XYLB: variants seen among roughly 807,000 people sequenced by gnomAD.
XYLB encodes the protein xylulokinase, also known as xylulose kinase.
XYLB carries 62 observed loss-of-function variants against 78.7 expected under a neutral mutation model. That is an observed-to-expected ratio of 0.79 (90% CI 0.64 to 0.97). XYLB has a LOEUF of 0.97. XYLB is among the 50% of genes least tolerant of loss of function. XYLB has a pLI of 0.00. For synonymous variants in XYLB, 245 were observed against 247.4 expected (o/e 0.99, Z 0.09); for missense variants, 687 against 676.8 (o/e 1.02, Z -0.17).
the XYLB span, among the ~76,000 whole-genome samples, chr3:38,448,137 CACA>C: frequency 6.6e-6 from 1 of 150,912 alleles, no homozygotes; most frequent in South Asian, 2.1e-4. Context: ...CTAAGCCAGG[CACA>C]ACAAGACAAA....
chr3:38,375,867 GCTC>G (rs1299156470), intron 12 of XYLB, among the ~76,000 whole-genome samples: 1 of 152,138 alleles, frequency 6.6e-6, no homozygotes, highest in Admixed American at 6.5e-5. Flanking sequence ...TCTACCTGGG[GCTC>G]CTCTGTGTCA....
chr3:38,372,585 G>A, intron 9 of XYLB, 70 bp from the exon 10 acceptor site: 1 of 1,611,138 alleles, frequency 6.2e-7, no homozygotes, highest in South Asian at 1.1e-5. Flanking sequence ...TGGCCTGAAG[G>A]GTGGGTGGCT....
chr3:38,377,732 G>T (rs1281500970), intron 14 of XYLB, among the ~76,000 whole-genome samples: 2 of 152,110 alleles, frequency 1.3e-5, no homozygotes, highest in Non-Finnish European at 2.9e-5. Flanking sequence ...GAGCCACCAT[G>T]CCCGGCTATC....
chr3:38,365,173 G>T, intron 4 of XYLB, 26 bp from the exon 5 acceptor site: 2 of 1,611,806 alleles, frequency 1.2e-6, no homozygotes, highest in South Asian at 1.1e-5. Context: ...GTGGTCATGT[G>T]ACCATGTGCT....
Position 38,413,657 on chromosome 3 carries a change from A to G in XYLB, c.*644A>G, listed in dbSNP as rs969344347. 2 of 147,654 alleles carry G rather than the reference A, an allele frequency of 1.4e-5. No homozygotes were observed. Among genetic ancestry groups the G allele is most frequent in the African/African-American group, 5.0e-5 (2 of 39,660 alleles). The allele number at this position is 147,654 out of a possible 1,614,324, so 9.1% of individuals were successfully genotyped here. A position where few individuals can be genotyped will look rare whatever the true frequency, so the allele number is the denominator to read the frequency against. On this transcript the variant is annotated 3_prime_UTR_variant, in exon 19 of 19. Coordinates refer to ENST00000207870, the MANE Select transcript of XYLB (RefSeq NM_005108.4). The stretch of plus-strand genomic sequence containing the variant: ...ACCATCTCTCCTCTCCCCCTCCTTC[A>G]TCTCTCCTCCCTCCCCAAACTCACT...
intron 18 of XYLB, 169 bp downstream of exon 18, chr3:38,401,154 C>A: frequency 1.6e-6 from 1 of 623,964 alleles, no homozygotes; most frequent in South Asian, 2.0e-5. Context: ...ATGTTGTCAG[C>A]TGCAAGTCAC....
At chr3:38,433,880 G>T in the XYLB span, among the ~76,000 whole-genome samples, 3 of 152,014 alleles carry the variant, frequency 2.0e-5, no homozygotes, top group African/African-American at 4.8e-5. Context: ...CCCCCTTCCT[G>T]GTACCAATTT....
At chr3:38,366,777 G>T in intron 6 of XYLB, 31 bp from the exon 7 acceptor site, 4 of 1,471,348 alleles carry the variant, frequency 2.7e-6, no homozygotes, top group South Asian at 1.1e-5. Context: ...TGTAGGATTT[G>T]GGTTCCTAAG....
intron 15 of XYLB, among the ~76,000 whole-genome samples, chr3:38,391,050 T>C (rs990728901): frequency 3.3e-5 from 5 of 151,958 alleles, no homozygotes; most frequent in African/African-American, 1.2e-4. Flanking sequence ...TGAAACCCCG[T>C]CTCTACTGAA....
intron 1 of XYLB, among the ~76,000 whole-genome samples, chr3:38,348,209 T>C (rs768878334): frequency 6.6e-6 from 1 of 152,220 alleles, no homozygotes; most frequent in African/African-American, 2.4e-5. Context: ...CCTTCCTCTC[T>C]GGCACTTTCT....
intron 15 of XYLB, among the ~76,000 whole-genome samples, chr3:38,392,969 C>G (rs1575518046): frequency 6.6e-6 from 1 of 152,262 alleles, no homozygotes; most frequent in East Asian, 1.9e-4. Context: ...GGACTTTGAT[C>G]CATCTGAAGT....
At chr3:38,417,932 C>T (rs1278860197), downstream of XYLB, among the ~76,000 whole-genome samples, 1 of 150,258 alleles carries the variant, frequency 6.7e-6, no homozygotes, top group African/African-American at 2.5e-5. Context: ...TGTCTCATGT[C>T]TGTAATCCTA....
chr3:38,377,519 C>T (rs1309695704), intron 14 of XYLB, among the ~76,000 whole-genome samples: 1 of 151,106 alleles, frequency 6.6e-6, no homozygotes, highest in Non-Finnish European at 1.5e-5. Context: ...ACGATCTCGG[C>T]TCACTGCAAC....
chr3:38,397,630 G>C (rs1707931170), intron 17 of XYLB, among the ~76,000 whole-genome samples: 1 of 152,036 alleles, frequency 6.6e-6, no homozygotes. Flanking sequence ...AAAACTCTGG[G>C]TATTAAGGGA....
At chr3:38,359,258 C>T (rs765319044) in intron 2 of XYLB, among the ~76,000 whole-genome samples, 15 of 152,232 alleles carry the variant, frequency 9.9e-5, no homozygotes, top group African/African-American at 1.4e-4. Flanking sequence ...AGGCACAGAT[C>T]GCTTATGCCA....
intron 3 of XYLB, among the ~76,000 whole-genome samples, chr3:38,362,333 G>A (rs1425862596): frequency 6.6e-6 from 1 of 152,148 alleles, no homozygotes; most frequent in African/African-American, 2.4e-5. Context: ...CAATCTCCTG[G>A]GCTCAGGTAT....
At position 38,374,493 on chromosome 3, in the gene XYLB, T is replaced by TGA; in HGVS notation, c.880_881dup (p.Asp294GlufsTer50). 6.2e-7 allele frequency: 1 copy of TGA among 1,613,264 alleles called. No homozygotes were observed. Among genetic ancestry groups the TGA allele is most frequent in the Non-Finnish European group, 8.5e-7 (1 of 1,179,550 alleles). On this transcript the variant is annotated frameshift_variant, in exon 11 of 19. Coordinates refer to ENST00000207870, the MANE Select transcript of XYLB (RefSeq NM_005108.4). LOFTEE classifies it high-confidence loss of function. ...TGGCAGGCATGAGACTGGAGGAAGGTGACATTGCGGTAAGGCGACTTCCCA... is the reference window on the plus strand; with the variant it reads ...TGGCAGGCATGAGACTGGAGGAAGGTGAGACATTGCGGTAAGGCGACTTCCCA...
the XYLB span, among the ~76,000 whole-genome samples, chr3:38,432,369 C>A: frequency 2.0e-5 from 2 of 98,206 alleles, no homozygotes; most frequent in Non-Finnish European, 4.5e-5. Context: ...GAGATTGAGA[C>A]CATCCTGGTC....
At chr3:38,422,226 G>T (rs915855273), downstream of XYLB, among the ~76,000 whole-genome samples, 11 of 152,150 alleles carry the variant, frequency 7.2e-5, no homozygotes, top group African/African-American at 1.9e-4. Flanking sequence ...GTACAAACAG[G>T]AGTCATTGAT....
Sources: allele counts gnomAD v4.1 joint callset (sites outside exome capture counted in the v4.1 genomes callset), GRCh38; gene constraint gnomAD v4.1.1; transcripts MANE v1.5; gene names NCBI Gene and HGNC (gene_info 2026-07-23, HGNC 2026-07-21).